ADSS1: variants seen among roughly 807,000 people sequenced by gnomAD.
ADSS1 encodes adenylosuccinate synthetase isozyme 1.
ADSS1 carries 57 observed loss-of-function variants against 59.1 expected under a neutral mutation model. That is an observed-to-expected ratio of 0.97 (90% CI 0.78 to 1.20). ADSS1 has a LOEUF of 1.20. Among genes scored for constraint, ADSS1 ranks in the 50% most tolerant of loss-of-function variants. The pLI, the probability that ADSS1 is intolerant of heterozygous loss-of-function variation, is 0.00. For missense variants in ADSS1, 603 were observed against 610.3 expected (o/e 0.99, Z 0.13); for synonymous variants, 247 against 249.4 (o/e 0.99, Z 0.09).
At chr14:104,733,992 T>C (rs34272041) in intron 1 of ADSS1, among the ~76,000 whole-genome samples, 77,448 of 152,184 alleles carry the variant, frequency 0.51, 21,677 homozygotes, top group African/African-American at 0.73. Context: ...TCTGTCACAC[T>C]GGGCCTACAG....
chr14:104,742,690 A>C (rs1299646420), intron 9 of ADSS1, among the ~76,000 whole-genome samples: 1 of 152,202 alleles, frequency 6.6e-6, no homozygotes, highest in African/African-American at 2.4e-5. Context: ...CGGGAGATAC[A>C]CACACCCCTG....
intron 1 of ADSS1, among the ~76,000 whole-genome samples, chr14:104,725,933 G>A (rs1041199241): frequency 6.6e-6 from 1 of 152,222 alleles, no homozygotes; most frequent in South Asian, 2.1e-4. Flanking sequence ...CTGGCTCCGC[G>A]CTCCCAGCTG....
chr14:104,740,598 C>T lies in ADSS1; in HGVS notation c.477-3C>T, dbSNP rs112013617. The T allele has an allele frequency of 5.0e-6, 8 of 1,613,210 alleles. No individual in the cohort carries two copies. The African/African-American group carries it at 8.0e-5, about 16-fold the overall frequency. On this transcript the variant is annotated splice_region_variant and splice_polypyrimidine_tract_variant and intron_variant, in intron 5 of 12. Coordinates refer to ENST00000330877, the MANE Select transcript of ADSS1 (RefSeq NM_152328.5). This position sits in a 1 kb window ranked among gnomAD's most constrained non-coding sequence, Gnocchi z 4.8. ...TCATGGGTACCCACTCCCCATCTTT[C>T]AGTATAGGCACCACCAAGAAGGGAA...
chr14:104,726,558 ACCATGTCTGACCACC>A (rs1890723100), intron 1 of ADSS1, among the ~76,000 whole-genome samples: 2 of 152,118 alleles, frequency 1.3e-5, no homozygotes, highest in Admixed American at 6.5e-5. Context: ...TCTTGTGCAC[ACCATGTCTGACCACC>A]CCATGTCGTC....
At chr14:104,726,251 G>C (rs1890715220) in intron 1 of ADSS1, among the ~76,000 whole-genome samples, 1 of 152,248 alleles carries the variant, frequency 6.6e-6, no homozygotes, top group South Asian at 2.1e-4. Flanking sequence ...CTTCACAGGG[G>C]AACAGAGGCT....
rs1891584686 is a variant in ADSS1, at chr14:104,746,934, C to CT, written c.1322-13dup. On this transcript the variant is annotated splice_polypyrimidine_tract_variant and intron_variant, in intron 12 of 12. Coordinates refer to ENST00000330877, the MANE Select transcript of ADSS1 (RefSeq NM_152328.5). Reference sequence around the variant, plus strand: ...TGCCTCCAGTGTGTATCATAACAGTCTTTTCTGCTCTCTCAGTCAAATGGG... The same window carrying CT: ...TGCCTCCAGTGTGTATCATAACAGTCTTTTTCTGCTCTCTCAGTCAAATGGG... 1 of 1,613,942 alleles carries CT rather than the reference C, an allele frequency of 6.2e-7. No homozygotes were observed. The highest frequency in any genetic ancestry group is 8.5e-7 in the Non-Finnish European group (1 of 1,179,844).
chr14:104,725,422 C>T (rs1890690899), intron 1 of ADSS1, among the ~76,000 whole-genome samples: 1 of 152,182 alleles, frequency 6.6e-6, no homozygotes. Context: ...CCGCACCGTC[C>T]CTTCTCCGGG....
In ADSS1 at chr14:104,741,729, G is replaced by A. The variant is rs112506361; in HGVS notation, c.794-119G>A. On this transcript the variant is annotated intron_variant, in intron 8 of 12. Transcript: ENST00000330877. ...GGACAGGCCAGGCTGGCGACCCCAC[G>A]GAGGGGGCCCCCCACGGTTTGAACT... is the stretch of plus-strand genomic sequence containing the variant. 4.7e-5 allele frequency: 64 copies of A among 1,374,908 alleles called. 1 individual carries two copies. The African/African-American group carries it at 5.7e-4, about 12-fold the overall frequency. The allele number at this position is 1,374,908 out of a possible 1,614,324, so 85.2% of individuals were successfully genotyped here. A position where few individuals can be genotyped will look rare whatever the true frequency, so the allele number is the denominator to read the frequency against.
intron 1 of ADSS1, among the ~76,000 whole-genome samples, chr14:104,729,534 CGTGGGGAGGAGCGTGGCGTCGGCGTG>C (rs1890827740): frequency 2.6e-4 from 19 of 73,426 alleles, no homozygotes; most frequent in Non-Finnish European, 3.0e-4. Context: ...GCGTCGGCGT[CGTGGGGAGGAGCGTGGCGTCGGCGTG>C]GTGGGGAGGA....
intron 8 of ADSS1, 134 bp downstream of exon 8, chr14:104,741,377 C>A: frequency 8.3e-7 from 1 of 1,203,246 alleles, no homozygotes; most frequent in Non-Finnish European, 1.1e-6. Context: ...CATCCATGCC[C>A]GCGGAAATGA....
At chr14:104,746,879 G>A (rs1031675693) in intron 12 of ADSS1, 72 bp from the exon 13 acceptor site, 24 of 1,492,980 alleles carry the variant, frequency 1.6e-5, no homozygotes, top group Admixed American at 1.3e-4. Context: ...AGAAAGATAC[G>A]ACACTAAAGA....
intron 2 of ADSS1, among the ~76,000 whole-genome samples, chr14:104,736,902 A>ATATATATATATATATATATATATATATG (rs1566798282): frequency 7.3e-6 from 1 of 137,902 alleles, no homozygotes; most frequent in African/African-American, 2.8e-5. Flanking sequence ...ATATATATAT[A>ATATATATATATATATATATATATATATG]TATATATATA....
intron 10 of ADSS1, 95 bp from the exon 11 acceptor site, chr14:104,744,717 G>GT: frequency 8.2e-7 from 1 of 1,220,764 alleles, no homozygotes; most frequent in South Asian, 1.3e-5. Flanking sequence ...GACCCCTGCT[G>GT]TAAGTAACAG....
intron 2 of ADSS1, 94 bp from the exon 3 acceptor site, chr14:104,738,282 G>C: frequency 7.4e-7 from 1 of 1,357,780 alleles, no homozygotes; most frequent in Non-Finnish European, 1.0e-6. Flanking sequence ...ACAGGCATGA[G>C]CCACCGCACC....
intron 11 of ADSS1, 22 bp from the exon 12 acceptor site, chr14:104,746,214 A>G: frequency 1.3e-6 from 2 of 1,591,944 alleles, no homozygotes; most frequent in Non-Finnish European, 8.6e-7. Flanking sequence ...GGCCCCACTC[A>G]TCTCCTGTGT....
At chr14:104,743,297 G>C (rs2140823554) in intron 10 of ADSS1, 106 bp downstream of exon 10, 1 of 1,511,116 alleles carries the variant, frequency 6.6e-7, no homozygotes, top group Non-Finnish European at 9.0e-7. Flanking sequence ...AAGTCTCCTT[G>C]GACAAGGTTT....
chr14:104,731,951 G>A (rs1258876226), intron 1 of ADSS1, among the ~76,000 whole-genome samples: 1 of 152,214 alleles, frequency 6.6e-6, no homozygotes, highest in Non-Finnish European at 1.5e-5. Context: ...AGACCGGTGG[G>A]GCTGGAGGCA....
At chr14:104,724,555 T>A in intron 1 of ADSS1, 93 bp downstream of exon 1, 1 of 1,203,572 alleles carries the variant, frequency 8.3e-7, no homozygotes, top group African/African-American at 1.7e-5. Flanking sequence ...CCCTGGCCGG[T>A]CACTCACCCG....
chr14:104,728,283 TC>T (rs1379967379), intron 1 of ADSS1, among the ~76,000 whole-genome samples: 8 of 151,838 alleles, frequency 5.3e-5, no homozygotes, highest in Non-Finnish European at 1.2e-4. Context: ...AAAGAGGTCT[TC>T]CCCCTACCCC....
Sources: allele counts gnomAD v4.1 joint callset (sites outside exome capture counted in the v4.1 genomes callset), GRCh38; gene constraint gnomAD v4.1.1; non-coding constraint Gnocchi (gnomAD v3.1); transcripts MANE v1.5; gene names NCBI Gene and HGNC (gene_info 2026-07-23, HGNC 2026-07-21).